Variants in CHD5 observed in about 807,000 individuals in gnomAD.
The protein encoded by CHD5 is ATP-dependent chromatin remodeler CHD5.
A neutral mutation model predicts 230.3 loss-of-function variants in CHD5; 69 were observed. The observed-to-expected ratio is 0.30, with a 90% confidence interval of 0.25 to 0.37. CHD5 has a LOEUF of 0.37. CHD5 is among the 10% of genes least tolerant of loss of function. CHD5 has a pLI of 1.00. For missense variants in CHD5, 1,827 were observed against 2,622.8 expected, an observed-to-expected ratio of 0.70 and a Z score of 6.63; for synonymous variants, 1,064 against 1,065.9, an observed-to-expected ratio of 1.00 and a Z score of 0.03.
rs868294850 is a variant in CHD5, at chr1:6,151,446, A to G, written c.871-291T>C. 4.6e-5 allele frequency among the ~76,000 whole-genome samples: 7 copies of G among 152,166 alleles called. 1 individual carries two copies. The South Asian group carries it at 1.5e-3, about 32-fold the overall frequency. ...CCTCCATCCTGCCAAACTCCTAAAC[A>G]TCCTTCAAGGGGCAGCCCTAGGGAC... On this transcript the variant is annotated intron_variant, in intron 6 of 41. Coordinates refer to ENST00000262450, the MANE Select transcript of CHD5 (RefSeq NM_015557.3).
chr1:6,161,453 C>G (rs1667176454), intron 2 of CHD5, among the ~76,000 whole-genome samples: 1 of 152,242 alleles, frequency 6.6e-6, no homozygotes, highest in Non-Finnish European at 1.5e-5. Context: ...ACCAGCCTCC[C>G]TGCTCCCAAA....
At position 6,127,959 on chromosome 1, in the gene CHD5, G is replaced by T. The variant is rs1299264044; in HGVS notation, c.3903+87C>A. 1.3e-5 allele frequency: 16 copies of T among 1,209,056 alleles called. No individual in the cohort carries two copies. The African/African-American group carries it at 2.4e-4, about 18-fold the overall frequency. 74.9% of individuals were successfully genotyped at this position (1,209,056 alleles called of 1,614,324 possible). Reference sequence around the variant, plus strand: ...GGGCTGGCTGCGGCGGGAGGGCGGGGTCACAGTGGAAGGCGTGGACACAGT... The same window carrying T: ...GGGCTGGCTGCGGCGGGAGGGCGGGTTCACAGTGGAAGGCGTGGACACAGT... On this transcript the variant is annotated intron_variant, in intron 25 of 41. Transcript: ENST00000262450.
In CHD5 at chr1:6,121,715, C is replaced by A; in HGVS notation, c.4700-142G>T. The A allele has an allele frequency of 1.6e-6, 1 of 618,936 alleles. No homozygotes were observed. Among genetic ancestry groups the A allele is most frequent in the Non-Finnish European group, 2.9e-6 (1 of 345,390 alleles). The allele number at this position is 618,936 out of a possible 1,614,324, so 38.3% of individuals were successfully genotyped here. A position where few individuals can be genotyped will look rare whatever the true frequency, so the allele number is the denominator to read the frequency against. ...GCCAAGCACCTCCAGGAGAGACAAG[C>A]AGGATCCCCGGCTAAGTCAGAGAGG... On this transcript the variant is annotated intron_variant, in intron 31 of 41. Transcript: ENST00000262450. The surrounding 1 kb of genome is among the most constrained non-coding windows in gnomAD (Gnocchi z 4.5).
chr1:6,164,131 G>A (rs758595574), intron 2 of CHD5, among the ~76,000 whole-genome samples: 15 of 152,210 alleles, frequency 9.9e-5, no homozygotes, highest in Non-Finnish European at 1.9e-4. Context: ...TCCCAGCTCC[G>A]CAGATGTTTC....
intron 31 of CHD5, among the ~76,000 whole-genome samples, chr1:6,122,975 C>G (rs768379588): frequency 1.2e-4 from 18 of 151,646 alleles, no homozygotes; most frequent in Non-Finnish European, 2.4e-4. Flanking sequence ...GAAGCTGAGG[C>G]AGGATCGCTT....
intron 1 of CHD5, among the ~76,000 whole-genome samples, chr1:6,177,575 C>A (rs111766056): frequency 2.0e-5 from 3 of 152,248 alleles, no homozygotes; most frequent in African/African-American, 7.2e-5. Flanking sequence ...GCAGGAGGAT[C>A]GCTTGAGCAC....
chr1:6,128,359 A>T lies in CHD5; in HGVS notation c.3730+140T>A. The T allele has an allele frequency of 2.7e-6, 3 of 1,110,880 alleles. No homozygotes were observed. Among genetic ancestry groups the T allele is most frequent in the Non-Finnish European group, 3.9e-6 (3 of 764,056 alleles). The allele number at this position is 1,110,880 out of a possible 1,614,324, so 68.8% of individuals were successfully genotyped here. A position where few individuals can be genotyped will look rare whatever the true frequency, so the allele number is the denominator to read the frequency against. ...GAGGCATGGTGACCAGACAGAGGAAACTGCGCTGTAACAGCCCCACTCGCC... is the reference window on the plus strand; with the variant it reads ...GAGGCATGGTGACCAGACAGAGGAATCTGCGCTGTAACAGCCCCACTCGCC... On this transcript the variant is annotated intron_variant, in intron 24 of 41. Transcript: ENST00000262450. The surrounding 1 kb of genome is among the most constrained non-coding windows in gnomAD (Gnocchi z 7.8).
At position 6,121,640 on chromosome 1, in the gene CHD5, G is replaced by C; in HGVS notation, c.4700-67C>G. 1 of 1,214,072 alleles carries C rather than the reference G, an allele frequency of 8.2e-7. No homozygotes were observed. The allele number at this position is 1,214,072 out of a possible 1,614,324, so 75.2% of individuals were successfully genotyped here. A position where few individuals can be genotyped will look rare whatever the true frequency, so the allele number is the denominator to read the frequency against. On this transcript the variant is annotated intron_variant, in intron 31 of 41. Coordinates refer to ENST00000262450, the MANE Select transcript of CHD5 (RefSeq NM_015557.3). This position sits in a 1 kb window ranked among gnomAD's most constrained non-coding sequence, Gnocchi z 4.5. ...CGGGAAGGAGTAGGGCAGGGAGTGG[G>C]GTGGCAGAGAGGAGAGATGGGGGCT... is the stretch of plus-strand genomic sequence containing the variant.
At chr1:6,147,913 G>C (rs1038889768) in intron 9 of CHD5, among the ~76,000 whole-genome samples, 4 of 152,074 alleles carry the variant, frequency 2.6e-5, no homozygotes, top group African/African-American at 9.7e-5. Context: ...TGGAAGAGGG[G>C]ACCCTTCCTA....
chr1:6,113,151 G>A (rs1666320019), intron 33 of CHD5, among the ~76,000 whole-genome samples, 153 bp from the exon 34 acceptor site: 1 of 152,258 alleles, frequency 6.6e-6, no homozygotes. Flanking sequence ...TCGGCCAGGT[G>A]CAGTGGCCCA....
chr1:6,102,017 CT>C lies in CHD5; in HGVS notation c.*3456del. On this transcript the variant is annotated 3_prime_UTR_variant, in exon 42 of 42. Transcript: ENST00000262450. Reference sequence around the variant, plus strand: ...CCTTGCACCCAGCCCAGGGCCCTCCCTTTGCCAGCCTGGGGCTGTGCCTGGG... The same window carrying C: ...CCTTGCACCCAGCCCAGGGCCCTCCCTTGCCAGCCTGGGGCTGTGCCTGGG... 7.7e-6 allele frequency: 3 copies of C among 389,908 alleles called. No individual in the cohort carries two copies. Among genetic ancestry groups the C allele is most frequent in the East Asian group, 1.3e-4 (1 of 7,614 alleles). The allele number at this position is 389,908 out of a possible 1,614,324, so 24.2% of individuals were successfully genotyped here.
Position 6,130,414 on chromosome 1 carries a change from G to A in CHD5, c.3263-86C>T, listed in dbSNP as rs1005039132. 4.0e-6 allele frequency: 5 copies of A among 1,241,960 alleles called. No homozygotes were observed. In the African/African-American group the frequency reaches 4.5e-5, roughly 11 times the overall value. 76.9% of individuals were successfully genotyped at this position (1,241,960 alleles called of 1,614,324 possible). ...AGGATGGGGGAGAGAACAGAGAGAA[G>A]GAACTGCAGCAACAGATCCCTGGCA... On this transcript the variant is annotated intron_variant, in intron 21 of 41. Coordinates refer to ENST00000262450, the MANE Select transcript of CHD5 (RefSeq NM_015557.3). This position sits in a 1 kb window ranked among gnomAD's most constrained non-coding sequence, Gnocchi z 4.9.
chr1:6,171,318 G>A (rs1160091966), intron 1 of CHD5, among the ~76,000 whole-genome samples: 1 of 152,116 alleles, frequency 6.6e-6, no homozygotes, highest in Non-Finnish European at 1.5e-5. Flanking sequence ...CCCCAGCTCC[G>A]TTCCCAGAAG....
At chr1:6,156,833 C>A (rs1667088128) in intron 3 of CHD5, among the ~76,000 whole-genome samples, 1 of 152,180 alleles carries the variant, frequency 6.6e-6, no homozygotes. Flanking sequence ...GAGAGCTAGC[C>A]CAGGGGTCAG....
chr1:6,134,041 G>A lies in CHD5; in HGVS notation c.3144+87C>T, dbSNP rs1666699325. On this transcript the variant is annotated intron_variant, in intron 20 of 41. Transcript: ENST00000262450. This position sits in a 1 kb window ranked among gnomAD's most constrained non-coding sequence, Gnocchi z 6.3. ...GGAACGGCACTGGGCCCTGAGGGGT[G>A]CCAGCAAGTTTGCGCCCCCAAGCAT... is the stretch of plus-strand genomic sequence containing the variant. 2 of 1,363,886 alleles carry A rather than the reference G, an allele frequency of 1.5e-6. No individual in the cohort carries two copies. Among genetic ancestry groups the A allele is most frequent in the African/African-American group, 2.8e-5 (2 of 70,448 alleles). The allele number at this position is 1,363,886 out of a possible 1,614,324, so 84.5% of individuals were successfully genotyped here.
Position 6,134,424 on chromosome 1 carries a change from G to A in CHD5, c.3013-165C>T, listed in dbSNP as rs1046697664. ...CGAGCCAGGCCAGGCCCCACAGTGC[G>A]GGGTAGACCGTGGGTCCCACGGCCC... is the stretch of plus-strand genomic sequence containing the variant. On this transcript the variant is annotated intron_variant, in intron 19 of 41. Transcript: ENST00000262450. This position sits in a 1 kb window ranked among gnomAD's most constrained non-coding sequence, Gnocchi z 6.3. Among the ~76,000 whole-genome samples the A allele has an allele frequency of 5.3e-5, 8 of 152,174 alleles. No homozygotes were observed. The highest frequency in any genetic ancestry group is 1.9e-4 in the East Asian group (1 of 5,182).
chr1:6,177,289 G>C (rs1280089682), intron 1 of CHD5, among the ~76,000 whole-genome samples: 2 of 152,220 alleles, frequency 1.3e-5, no homozygotes, highest in African/African-American at 4.8e-5. Flanking sequence ...AAGAGCTCAG[G>C]GTGAGTGGGG....
intron 2 of CHD5, among the ~76,000 whole-genome samples, chr1:6,162,896 T>G (rs1443348880): frequency 6.6e-6 from 1 of 151,908 alleles, no homozygotes; most frequent in Non-Finnish European, 1.5e-5. Context: ...CAACCCAGCA[T>G]CTGATGGCAA....
intron 38 of CHD5, among the ~76,000 whole-genome samples, chr1:6,109,077 C>T (rs1666243378): frequency 6.6e-6 from 1 of 152,014 alleles, no homozygotes; most frequent in African/African-American, 2.4e-5. Context: ...GGGGACACAG[C>T]AGGAGCTTCC....
Sources: gnomAD v4.1 joint callset for allele counts (sites outside exome capture counted in the v4.1 genomes callset) on GRCh38, gnomAD v4.1.1 for gene constraint, Gnocchi (gnomAD v3.1) non-coding constraint, MANE v1.5 for transcripts, NCBI Gene and HGNC (gene_info 2026-07-23, HGNC 2026-07-21) for gene names.